The following MAP4K1 variants were observed in gnomAD, a reference collection of about 807,000 sequenced individuals.
MAP4K1 encodes MAPK/ERK kinase kinase kinase 1.
Under a neutral mutation model 122.8 loss-of-function variants are expected in MAP4K1, and 35 were observed. The observed-to-expected ratio is 0.29, with a 90% confidence interval of 0.22 to 0.38. The LOEUF is 0.38. Among genes scored for constraint, MAP4K1 ranks in the 10% least tolerant of loss-of-function variants. MAP4K1 has a pLI of 1.00. For missense variants in MAP4K1, 791 were observed against 1,072.6 expected (o/e 0.74, Z 3.67); for synonymous variants, 412 against 421.3 (o/e 0.98, Z 0.27).
Position 38,608,799 on chromosome 19 carries a change from C to CAAAAAAAAAAAAAA in MAP4K1, c.1007-643_1007-630dup, listed in dbSNP as rs1031744033. 5.2e-4 allele frequency among the ~76,000 whole-genome samples: 5 copies of CAAAAAAAAAAAAAA among 9,558 alleles called. 1 individual carries two copies. Among genetic ancestry groups the CAAAAAAAAAAAAAA allele is most frequent in the Non-Finnish European group, 8.8e-4 (4 of 4,546 alleles). 6.3% of individuals were successfully genotyped at this position (9,558 alleles called of 152,430 possible). A position where few individuals can be genotyped will look rare whatever the true frequency, so the allele number is the denominator to read the frequency against. On this transcript the variant is annotated intron_variant, in intron 13 of 30. Transcript: ENST00000396857. ...TGGGCGACAGAGTGAAACTCCGTCTCAAAAAAAAAAAAAAAAAAAAAAAAA... is the reference window on the plus strand; with the variant it reads ...TGGGCGACAGAGTGAAACTCCGTCTCAAAAAAAAAAAAAAAAAAAAAAAAAAAAAAAAAAAAAAA...
Position 38,597,499 on chromosome 19 carries a change from G to A in MAP4K1, c.1765C>T (p.Arg589Cys). ...GNPIAHISPH[R>C]LLARKNMVST... ...GGGAGCTGGTACCTTGCCAGTAGGC[G>A]GTGGGGGCTAATGTGAGCGATGGGG... The change falls in exon 23 of 31, where the codon CGC (arginine) becomes TGC (cysteine). Residue 589 changes from arginine to cysteine, a missense_variant. Transcript: ENST00000396857. The surrounding 1 kb of genome is among the most constrained non-coding windows in gnomAD (Gnocchi z 4.6). 1 of 1,614,030 alleles carries A rather than the reference G, an allele frequency of 6.2e-7. No homozygotes were observed. The highest frequency in any genetic ancestry group is 8.5e-7 in the Non-Finnish European group (1 of 1,179,980).
At chr19:38,611,445 G>A in intron 9 of MAP4K1, 140 bp from the exon 10 acceptor site, 1 of 661,376 alleles carries the variant, frequency 1.5e-6, no homozygotes, top group Non-Finnish European at 2.7e-6. Context: ...GTTTTACAGT[G>A]CACCAGGGTG....
Position 38,595,476 on chromosome 19 carries a change from G to A in MAP4K1, c.2340+9C>T. The A allele has an allele frequency of 6.2e-7, 1 of 1,613,998 alleles. No individual in the cohort carries two copies. The highest frequency in any genetic ancestry group is 2.2e-5 in the East Asian group (1 of 44,870). ...GGCAGTGATGTGGAGTTTGGATGGA[G>A]GGGCTTACCTGATCCGAGCCTAGAG... is the stretch of plus-strand genomic sequence containing the variant. On this transcript the variant is annotated intron_variant, in intron 29 of 30. Transcript: ENST00000396857.
intron 30 of MAP4K1, among the ~76,000 whole-genome samples, chr19:38,591,807 C>T (rs1974735382): frequency 6.6e-6 from 1 of 151,840 alleles, no homozygotes; most frequent in Admixed American, 6.6e-5. Context: ...CCTGTCTCTA[C>T]TAAAAATACA....
rs750423262 is a variant in MAP4K1, at chr19:38,597,406, AG to A, written c.1779-23del. 2 of 1,613,740 alleles carry A rather than the reference AG, an allele frequency of 1.2e-6. No individual in the cohort carries two copies. The highest frequency in any genetic ancestry group is 2.2e-5 in the South Asian group (2 of 91,064). The stretch of plus-strand genomic sequence containing the variant: ...CTTCCTGGAGAATAGGTAGGTGTGA[AG>A]GGGGGTAGGACAGCAGGAGGCAGAG... On this transcript the variant is annotated intron_variant, in intron 23 of 30. Coordinates refer to ENST00000396857, the MANE Select transcript of MAP4K1 (RefSeq NM_001042600.3). The surrounding 1 kb of genome is among the most constrained non-coding windows in gnomAD (Gnocchi z 4.6).
At chr19:38,591,345 A>G (rs773550148) in intron 30 of MAP4K1, among the ~76,000 whole-genome samples, 3 of 151,876 alleles carry the variant, frequency 2.0e-5, no homozygotes, top group Non-Finnish European at 4.4e-5. Flanking sequence ...CCTAACCACC[A>G]TGATGAAAGC....
intron 4 of MAP4K1, among the ~76,000 whole-genome samples, chr19:38,615,232 T>G (rs1473142940): frequency 4.9e-3 from 422 of 85,852 alleles, no homozygotes; most frequent in Middle Eastern, 0.011. Context: ...TGGGGTGGAG[T>G]GGAGGGGGAG....
chr19:38,606,824 G>A (rs894481453), intron 16 of MAP4K1, among the ~76,000 whole-genome samples: 8 of 152,320 alleles, frequency 5.3e-5, no homozygotes, highest in East Asian at 1.9e-4. Flanking sequence ...CATCAGCGCC[G>A]TGGCCCTGCT....
chr19:38,608,300 A>C, intron 13 of MAP4K1, 130 bp from the exon 14 acceptor site: 1 of 505,732 alleles, frequency 2.0e-6, no homozygotes, highest in Non-Finnish European at 3.5e-6. Flanking sequence ...AAATGATCTC[A>C]GGGAACTGTC....
intron 27 of MAP4K1, 35 bp from the exon 28 acceptor site, chr19:38,595,764 C>T: frequency 6.4e-7 from 1 of 1,553,968 alleles, no homozygotes; most frequent in East Asian, 2.2e-5. Flanking sequence ...GAACTGTGAG[C>T]AAGGCTTAGA....
chr19:38,596,002 CTGTT>C lies in MAP4K1; in HGVS notation c.2117-5_2117-2del, dbSNP rs777146854. 5.7e-5 allele frequency: 92 copies of C among 1,613,750 alleles called. No homozygotes were observed. In the African/African-American group the frequency reaches 9.9e-4, roughly 17 times the overall value. On this transcript the variant is annotated splice_acceptor_variant and splice_polypyrimidine_tract_variant and intron_variant, in intron 26 of 30. Coordinates refer to ENST00000396857, the MANE Select transcript of MAP4K1 (RefSeq NM_001042600.3). LOFTEE classifies it high-confidence loss of function. ...GTCACCTGCACGGGTCCCCTGTGCT[CTGTT>C]TGGGGGGAGTGGGTTAAGGATTGAC...
At position 38,606,821 on chromosome 19, in the gene MAP4K1, G is replaced by A. The variant is rs1429388199; in HGVS notation, c.1158-606C>T. On this transcript the variant is annotated intron_variant, in intron 16 of 30. Transcript: ENST00000396857. ...ACCTAGTAACACAGGTGACATCAGC[G>A]CCGTGGCCCTGCTCTCCCTGTGCTG... is the stretch of plus-strand genomic sequence containing the variant. 3.9e-5 allele frequency among the ~76,000 whole-genome samples: 6 copies of A among 152,334 alleles called. No homozygotes were observed. In the East Asian group the frequency reaches 1.2e-3, roughly 29 times the overall value.
Position 38,587,675 on chromosome 19 carries a change from G to T in MAP4K1, c.*73C>A. On this transcript the variant is annotated 3_prime_UTR_variant, in exon 31 of 31. Transcript: ENST00000396857. ...AAAGTCATGTTTATTGGGAGATGAG[G>T]ACATGCCATGACCACTAGTGTGTCT... is the stretch of plus-strand genomic sequence containing the variant. The T allele has an allele frequency of 8.6e-7, 1 of 1,168,556 alleles. No homozygotes were observed. Among genetic ancestry groups the T allele is most frequent in the Non-Finnish European group, 1.3e-6 (1 of 776,730 alleles). 72.4% of individuals were successfully genotyped at this position (1,168,556 alleles called of 1,614,324 possible).
Position 38,601,469 on chromosome 19 carries a change from C to A in MAP4K1, c.1503G>T (p.Thr501=). 4 of 1,610,342 alleles carry A rather than the reference C, an allele frequency of 2.5e-6. No individual in the cohort carries two copies. Among genetic ancestry groups the A allele is most frequent in the Non-Finnish European group, 3.4e-6 (4 of 1,178,570 alleles). ...TGGTGGAGGGATGTGTCCAGGCGGC[C>A]GTGCTGTGGATCCGGAGGGGGCAGC... ...FNGCPLRIHS[T]AAWTHPSTKD... The change falls in exon 20 of 31, where the codon ACG becomes ACT. Residue 501 remains threonine, a synonymous_variant. Transcript: ENST00000396857.
intron 17 of MAP4K1, among the ~76,000 whole-genome samples, 197 bp downstream of exon 17, chr19:38,605,975 CA>C (rs1409451045): frequency 9.2e-5 from 14 of 152,150 alleles, no homozygotes; most frequent in Non-Finnish European, 1.9e-4. Flanking sequence ...AGCTACTGAC[CA>C]GTGTCTAAGA....
At chr19:38,612,586 G>A in intron 9 of MAP4K1, 25 bp downstream of exon 9, 1 of 1,606,344 alleles carries the variant, frequency 6.2e-7, no homozygotes, top group Non-Finnish European at 8.5e-7. Context: ...GGATCTCTGG[G>A]CCTGGGGACC....
Position 38,611,302 on chromosome 19 carries a change from A to G in MAP4K1, c.669T>C (p.Val223=), listed in dbSNP as rs746363338. Residue 223 remains valine (V), a synonymous_variant, in exon 10 of 31, where the codon GTT becomes GTC. Coordinates refer to ENST00000396857, the MANE Select transcript of MAP4K1 (RefSeq NM_001042600.3). ...AGCCACTCTTGGTCATGAGGAAGAG[A>G]ACTCTAGAATAGTAGGGAAAGGACA... The part of the protein sequence containing the change: ...PPLFDVHPLR[V]LFLMTKSGYQ... The G allele has an allele frequency of 3.1e-6, 5 of 1,612,118 alleles. No homozygotes were observed. Among genetic ancestry groups the G allele is most frequent in the Non-Finnish European group, 4.2e-6 (5 of 1,178,260 alleles).
intron 16 of MAP4K1, among the ~76,000 whole-genome samples, chr19:38,607,025 G>A (rs1370488653): frequency 6.6e-6 from 1 of 152,136 alleles, no homozygotes; most frequent in African/African-American, 2.4e-5. Flanking sequence ...CCTGAGGGCG[G>A]GCAAAAAGAT....
chr19:38,605,353 CCA>C, intron 19 of MAP4K1, 54 bp downstream of exon 19: 1 of 1,296,440 alleles, frequency 7.7e-7, no homozygotes, highest in Non-Finnish European at 1.1e-6. Flanking sequence ...CCCCACCCCA[CCA>C]GGCATCCCCA....
Sources: allele counts gnomAD v4.1 joint callset (sites outside exome capture counted in the v4.1 genomes callset), GRCh38; gene constraint gnomAD v4.1.1; non-coding constraint Gnocchi (gnomAD v3.1); transcripts MANE v1.5; gene names NCBI Gene and HGNC (gene_info 2026-07-23, HGNC 2026-07-21).